The following SWT1 variants were observed in gnomAD, a reference collection of about 807,000 sequenced individuals.
SWT1 encodes SWT1 RNA endoribonuclease homolog.
In SWT1, 33 loss-of-function variants were observed where a neutral mutation model predicts 107.3. That is an observed-to-expected ratio of 0.31 (90% CI 0.23 to 0.41). The LOEUF (loss-of-function observed/expected upper bound fraction) is 0.41. Among genes scored for constraint, SWT1 ranks in the 10% least tolerant of loss-of-function variants. SWT1 has a pLI of 1.00. For synonymous variants in SWT1, 345 were observed against 348.3 expected, an observed-to-expected ratio of 0.99 and a Z score of 0.11; for missense variants, 898 against 1,028.9, an observed-to-expected ratio of 0.87 and a Z score of 1.74.
intron 16 of SWT1, among the ~76,000 whole-genome samples, chr1:185,270,975 G>A (rs746678935): frequency 1.3e-5 from 2 of 152,194 alleles, no homozygotes; most frequent in Admixed American, 6.5e-5. Flanking sequence ...TAAAAGATAT[G>A]AAGTATAAAT....
At chr1:185,276,749 G>A (rs541258223) in intron 18 of SWT1, 81 bp downstream of exon 18, 21 of 649,386 alleles carry the variant, frequency 3.2e-5, no homozygotes, top group African/African-American at 7.5e-5. Flanking sequence ...GGTGGTGGTG[G>A]TGATGTGTTT....
rs59444625 is a variant in SWT1 at position 185,206,772 on chromosome 1, C to G, written c.1972+9C>G. 5.1e-4 allele frequency: 805 copies of G among 1,571,036 alleles called. 8 individuals carry two copies. In the African/African-American group the frequency reaches 9.9e-3, roughly 19 times the overall value. On this transcript the variant is annotated intron_variant, in intron 13 of 18. Transcript: ENST00000367500. ...CAAAAATCTCCGTAAAGGTATGAATCTTTTATTTTTCTCTTTAGCAGTGTT... is the reference window on the plus strand; with the variant it reads ...CAAAAATCTCCGTAAAGGTATGAATGTTTTATTTTTCTCTTTAGCAGTGTT...
At chr1:185,210,414 G>A (rs535763580) in intron 13 of SWT1, among the ~76,000 whole-genome samples, 9 of 152,192 alleles carry the variant, frequency 5.9e-5, no homozygotes, top group Admixed American at 5.2e-4. Context: ...TGTAAGGAAG[G>A]GATCCGGTTT....
intron 10 of SWT1, among the ~76,000 whole-genome samples, chr1:185,202,127 C>T (rs535162649): frequency 9.9e-5 from 15 of 152,006 alleles, no homozygotes; most frequent in Non-Finnish European, 1.8e-4. Context: ...ATGCCCTTGT[C>T]GTTCTCTATA....
intron 5 of SWT1, among the ~76,000 whole-genome samples, chr1:185,178,142 A>G (rs12404187): frequency 0.44 from 66,982 of 151,990 alleles, 16,159 homozygotes; most frequent in African/African-American, 0.65. Flanking sequence ...TGGTTCTAAA[A>G]CCTCATCTCG....
chr1:185,212,376 AG>A (rs1464043880), intron 13 of SWT1, among the ~76,000 whole-genome samples: 1 of 151,986 alleles, frequency 6.6e-6, no homozygotes, highest in Non-Finnish European at 1.5e-5. Context: ...TTTTCCTGGC[AG>A]GGGGGTCTGC....
chr1:185,249,447 C>A (rs922759832), intron 16 of SWT1, among the ~76,000 whole-genome samples: 16 of 152,132 alleles, frequency 1.1e-4, no homozygotes, highest in Middle Eastern at 3.2e-3. Flanking sequence ...ATCCCTCCAA[C>A]TGACAAGACC....
chr1:185,280,904 G>GA, intron 18 of SWT1: 1 of 478,020 alleles, frequency 2.1e-6, no homozygotes, highest in Non-Finnish European at 4.3e-6. Context: ...CAGTGTGGTG[G>GA]ATCACTTCAG....
chr1:185,199,933 T>C (rs1317934916), intron 10 of SWT1, among the ~76,000 whole-genome samples: 1 of 152,150 alleles, frequency 6.6e-6, no homozygotes, highest in Non-Finnish European at 1.5e-5. Flanking sequence ...CCTGGAGGCT[T>C]TGTTTGTTCC....
intron 11 of SWT1, among the ~76,000 whole-genome samples, chr1:185,204,042 G>A (rs1658104438): frequency 6.6e-6 from 1 of 152,082 alleles, no homozygotes; most frequent in African/African-American, 2.4e-5. Context: ...AAAAAGTAAT[G>A]TTAATGAAGT....
In SWT1 at chr1:185,184,792, A is replaced by C. The variant is rs748125249; in HGVS notation, c.1290A>C (p.Leu430=). 6.2e-7 allele frequency: 1 copy of C among 1,608,876 alleles called. No homozygotes were observed. Among genetic ancestry groups the C allele is most frequent in the Non-Finnish European group, 8.5e-7 (1 of 1,178,062 alleles). ...TTCCCTGGGTCGTTATGCAAGAGCT[A>C]GATCGTATGAAGGAAGGAAAACTAC... The part of the protein sequence containing the change: ...LIIPWVVMQE[L]DRMKEGKLLK... The change falls in exon 9 of 19, where the codon CTA becomes CTC. Residue 430 remains leucine, a synonymous_variant. Coordinates refer to ENST00000367500, the MANE Select transcript of SWT1 (RefSeq NM_017673.7).
intron 4 of SWT1, chr1:185,171,733 G>C (rs973813503): frequency 2.2e-6 from 1 of 450,810 alleles, no homozygotes; most frequent in Non-Finnish European, 4.3e-6. Flanking sequence ...GGCAGAAAGG[G>C]CATTTTTTTT....
intron 12 of SWT1, among the ~76,000 whole-genome samples, chr1:185,205,455 G>A (rs956523119): frequency 1.2e-4 from 18 of 151,814 alleles, no homozygotes; most frequent in Admixed American, 3.9e-4. Context: ...TGCAACCTCC[G>A]CCTCCCAGAT....
At chr1:185,271,755 C>A (rs1180867382) in intron 17 of SWT1, among the ~76,000 whole-genome samples, 2 of 152,150 alleles carry the variant, frequency 1.3e-5, no homozygotes, top group Non-Finnish European at 2.9e-5. Flanking sequence ...TAACTATAGA[C>A]TTCATATTGT....
chr1:185,191,820 C>A (rs1259801057), intron 10 of SWT1, among the ~76,000 whole-genome samples: 4 of 152,002 alleles, frequency 2.6e-5, no homozygotes, highest in African/African-American at 9.7e-5. Context: ...TTTATCAATT[C>A]TCCATTATTT....
At chr1:185,255,914 G>C (rs1401960841) in intron 16 of SWT1, among the ~76,000 whole-genome samples, 1 of 151,728 alleles carries the variant, frequency 6.6e-6, no homozygotes, top group Non-Finnish European at 1.5e-5. Context: ...TGCAGCGGCT[G>C]GTACCGGTTG....
chr1:185,205,569 A>G (rs1658269609), intron 12 of SWT1, among the ~76,000 whole-genome samples: 1 of 152,116 alleles, frequency 6.6e-6, no homozygotes, highest in African/African-American at 2.4e-5. Flanking sequence ...AGGTTTCACC[A>G]TGTTGGTCAG....
At chr1:185,261,375 G>A (rs934838609) in intron 16 of SWT1, among the ~76,000 whole-genome samples, 3 of 152,022 alleles carry the variant, frequency 2.0e-5, no homozygotes, top group Non-Finnish European at 4.4e-5. Context: ...CATTATATGT[G>A]TATACCACAT....
At chr1:185,287,710 C>T (rs1468588416) in intron 18 of SWT1, among the ~76,000 whole-genome samples, 5 of 152,142 alleles carry the variant, frequency 3.3e-5, no homozygotes, top group Non-Finnish European at 7.4e-5. Context: ...ACAGATTAAC[C>T]ACCAGGTAAA....
Sources: allele counts gnomAD v4.1 joint callset (sites outside exome capture counted in the v4.1 genomes callset), GRCh38; gene constraint gnomAD v4.1.1; transcripts MANE v1.5; gene names NCBI Gene and HGNC (gene_info 2026-07-23, HGNC 2026-07-21).